The following PTPRD variants were observed in gnomAD, a reference collection of about 807,000 sequenced individuals.
PTPRD encodes the protein protein tyrosine phosphatase receptor type D, also known as receptor-type tyrosine-protein phosphatase delta.
In PTPRD, 34 loss-of-function variants were observed where a neutral mutation model predicts 214.5. The observed-to-expected ratio is 0.16, with a 90% CI of 0.12 to 0.21. PTPRD has a LOEUF of 0.21. PTPRD is among the 10% of genes least tolerant of loss of function. PTPRD has a pLI of 1.00. For synonymous variants in PTPRD, 1,128 were observed against 845.7 expected (o/e 1.33, Z -5.79); for missense variants, 2,545 against 2,398.7 (o/e 1.06, Z -1.27).
chr9:9,709,470 T>G (rs1053708272), intron 7 of PTPRD, among the ~76,000 whole-genome samples: 1 of 151,808 alleles, frequency 6.6e-6, no homozygotes, highest in African/African-American at 2.4e-5. Context: ...ACCTGAACAA[T>G]AAAAAACTAA....
intron 14 of PTPRD, among the ~76,000 whole-genome samples, chr9:8,631,012 G>C (rs1207029869): frequency 6.6e-6 from 1 of 151,880 alleles, no homozygotes; most frequent in East Asian, 1.9e-4. Context: ...TGATGGCACT[G>C]ATTCTAAACT....
chr9:9,037,934 A>G (rs892459427), intron 10 of PTPRD, among the ~76,000 whole-genome samples: 1 of 152,118 alleles, frequency 6.6e-6, no homozygotes, highest in South Asian at 2.1e-4. Context: ...GAGCCATGCA[A>G]CTCTGGGAAA....
At position 9,269,202 on chromosome 9, in the gene PTPRD, G is replaced by T. The variant is rs190310145; in HGVS notation, c.-202-85839C>A. On this transcript the variant is annotated intron_variant, in intron 9 of 45. Transcript: ENST00000381196. ...TAACCTTATTTAAAAAATTATCAAA[G>T]AACCTGAACAGACATTTTCAGGTTA... is the stretch of plus-strand genomic sequence containing the variant. Among the ~76,000 whole-genome samples, 88 of 151,326 alleles carry T rather than the reference G, an allele frequency of 5.8e-4. 1 individual carries two copies. Among genetic ancestry groups the T allele is most frequent in the East Asian group, 5.3e-3 (27 of 5,082 alleles).
rs751046418 is a variant in PTPRD at position 8,528,783 on chromosome 9, C to G, written c.353-4G>C. 17 of 1,612,746 alleles carry G rather than the reference C, an allele frequency of 1.1e-5. No homozygotes were observed. In the East Asian group the frequency reaches 3.6e-4, roughly 34 times the overall value. On this transcript the variant is annotated splice_region_variant and splice_polypyrimidine_tract_variant and intron_variant, in intron 14 of 45. Coordinates refer to ENST00000381196, the MANE Select transcript of PTPRD (RefSeq NM_002839.4). ...AAGCCCCTGGGAATTTGATCTTCTG[C>G]AAGACAAAAGGTGATAGAAACATTC...
intron 11 of PTPRD, among the ~76,000 whole-genome samples, chr9:8,864,363 A>G (rs909236150): frequency 6.6e-6 from 1 of 152,162 alleles, no homozygotes; most frequent in African/African-American, 2.4e-5. Flanking sequence ...ATGACTCACA[A>G]TCCACTACTC....
chr9:8,779,247 A>G (rs1351355051), intron 11 of PTPRD, among the ~76,000 whole-genome samples: 1 of 152,124 alleles, frequency 6.6e-6, no homozygotes, highest in Non-Finnish European at 1.5e-5. Flanking sequence ...ATACAATAGG[A>G]AGCCATTTTA....
intron 34 of PTPRD, among the ~76,000 whole-genome samples, chr9:8,440,429 C>A (rs923719915): frequency 1.3e-5 from 2 of 151,992 alleles, no homozygotes; most frequent in African/African-American, 2.4e-5. Flanking sequence ...GGTTCCCCTG[C>A]CTCAGCCTCC....
At chr9:8,319,088 C>G (rs1337376205) in intron 45 of PTPRD, among the ~76,000 whole-genome samples, 1 of 152,074 alleles carries the variant, frequency 6.6e-6, no homozygotes, top group Non-Finnish European at 1.5e-5. Context: ...GTTTGTCAAG[C>G]TGGCATAATG....
intron 2 of PTPRD, among the ~76,000 whole-genome samples, chr9:10,414,943 G>A (rs1056290221): frequency 6.6e-6 from 1 of 151,614 alleles, no homozygotes; most frequent in African/African-American, 2.4e-5. Flanking sequence ...TGAAGGATGG[G>A]AAGAAAGAGA....
At chr9:10,612,142 T>TA (rs2081171237) in intron 2 of PTPRD, among the ~76,000 whole-genome samples, 2 of 140,168 alleles carry the variant, frequency 1.4e-5, no homozygotes, top group South Asian at 4.4e-4. Context: ...AATAAACGTT[T>TA]AAAAATCAGT....
intron 5 of PTPRD, among the ~76,000 whole-genome samples, chr9:9,811,631 C>A (rs1598483028): frequency 6.6e-6 from 1 of 152,160 alleles, no homozygotes; most frequent in African/African-American, 2.4e-5. Flanking sequence ...GGTGTGAACA[C>A]AGGAGGTGGA....
intron 3 of PTPRD, among the ~76,000 whole-genome samples, chr9:10,211,950 C>A (rs888168285): frequency 3.9e-5 from 6 of 152,060 alleles, no homozygotes; most frequent in African/African-American, 1.4e-4. Context: ...TAAATGTATA[C>A]AACATTTTTT....
At chr9:8,920,418 T>A (rs2098819414) in intron 11 of PTPRD, among the ~76,000 whole-genome samples, 1 of 152,170 alleles carries the variant, frequency 6.6e-6, no homozygotes, top group African/African-American at 2.4e-5. Flanking sequence ...TGAAAATATC[T>A]ATCTTGGTCA....
At chr9:9,436,554 G>C (rs1050418037) in intron 8 of PTPRD, among the ~76,000 whole-genome samples, 1 of 151,818 alleles carries the variant, frequency 6.6e-6, no homozygotes, top group Non-Finnish European at 1.5e-5. Flanking sequence ...AAATTTATTG[G>C]TAAAATGTAA....
intron 2 of PTPRD, among the ~76,000 whole-genome samples, chr9:10,512,028 A>ATACGTG (rs1285737509): frequency 1.3e-5 from 1 of 74,448 alleles, no homozygotes; most frequent in Admixed American, 1.6e-4. Flanking sequence ...GTATATATAT[A>ATACGTG]TGTATATATA....
chr9:10,593,015 A>C (rs2075848066), intron 2 of PTPRD, among the ~76,000 whole-genome samples: 1 of 151,984 alleles, frequency 6.6e-6, no homozygotes, highest in Admixed American at 6.6e-5. Context: ...TGCCATCTTT[A>C]AGAGCTGTAA....
At chr9:8,834,067 C>G (rs770861924) in intron 11 of PTPRD, among the ~76,000 whole-genome samples, 3 of 152,030 alleles carry the variant, frequency 2.0e-5, no homozygotes, top group Non-Finnish European at 4.4e-5. Context: ...CTTTTTCACT[C>G]TCATTTCCAG....
At chr9:10,390,177 G>A (rs1407916) in intron 2 of PTPRD, among the ~76,000 whole-genome samples, 132,384 of 151,886 alleles carry the variant, frequency 0.87, 57,730 homozygotes, top group African/African-American at 0.91. Flanking sequence ...TTCATATGCT[G>A]TATATCTTAC....
chr9:9,965,689 G>T (rs947594351), intron 4 of PTPRD, among the ~76,000 whole-genome samples: 1 of 152,112 alleles, frequency 6.6e-6, no homozygotes, highest in South Asian at 2.1e-4. Context: ...TGAAACATCG[G>T]CTTTTAAATT....
Sources: gnomAD v4.1 joint callset for allele counts (sites outside exome capture counted in the v4.1 genomes callset) on GRCh38, gnomAD v4.1.1 for gene constraint, MANE v1.5 for transcripts, NCBI Gene and HGNC (gene_info 2026-07-23, HGNC 2026-07-21) for gene names.